Variants in DIP2A observed in about 807,000 individuals in gnomAD.
DIP2A encodes the protein disco-interacting protein 2 homolog A.
DIP2A carries 85 observed loss-of-function variants against 177.4 expected under a neutral mutation model. That is an observed-to-expected ratio of 0.48 (90% confidence interval 0.40 to 0.57). The LOEUF (loss-of-function observed/expected upper bound fraction) is 0.57, where lower values mean the gene tolerates loss of function less well. DIP2A is among the 20% of genes least tolerant of loss of function. The probability of loss-of-function intolerance (pLI) is 0.00; values close to 1 mark genes in which losing one functional copy is unlikely to be tolerated. For synonymous variants in DIP2A, 886 were observed against 881.8 expected, an observed-to-expected ratio of 1.00 and a Z score of -0.08; for missense variants, 1,791 against 2,100.2, an observed-to-expected ratio of 0.85 and a Z score of 2.88.
At position 46,537,390 on chromosome 21, in the gene DIP2A, G is replaced by C; in HGVS notation, c.1708-56G>C. On this transcript the variant is annotated intron_variant, in intron 14 of 37. Transcript: ENST00000417564. The surrounding 1 kb of genome is among the most constrained non-coding windows in gnomAD (Gnocchi z 4.1). ...TGGGAGAGTACATCGGTTTTGTTTT[G>C]CTTTTTCTGGTGTGGCTCGGGCCCA... 6.2e-7 allele frequency: 1 copy of C among 1,611,114 alleles called. No individual in the cohort carries two copies. The highest frequency in any genetic ancestry group is 8.5e-7 in the Non-Finnish European group (1 of 1,177,360).
intron 18 of DIP2A, among the ~76,000 whole-genome samples, chr21:46,543,541 G>C (rs80202619): frequency 4.0e-5 from 1 of 24,772 alleles, no homozygotes; most frequent in Admixed American, 3.5e-4. Context: ...CGTGCAAAGC[G>C]CTCCCCCAGG....
the DIP2A span, among the ~76,000 whole-genome samples, chr21:46,579,869 T>C: frequency 2.6e-5 from 4 of 152,278 alleles, no homozygotes; most frequent in South Asian, 8.3e-4. Flanking sequence ...TTACTTCCAA[T>C]TATGTGATCA....
chr21:46,533,529 A>G lies in DIP2A; in HGVS notation c.1311A>G (p.Ala437=). ...GGTCACTCTGCTTTCTGCAGGATGCAGGCAGCCAGCAGGTTGGGTTTCTGC... is the reference window on the plus strand; with the variant it reads ...GGTCACTCTGCTTTCTGCAGGATGCGGGCAGCCAGCAGGTTGGGTTTCTGC... ...PIEVPLTRKD[A]GSQQVGFLLG... The change falls in exon 11 of 38, where the codon GCA becomes GCG. Residue 437 remains alanine (A), a synonymous_variant. Coordinates refer to ENST00000417564, the MANE Select transcript of DIP2A (RefSeq NM_015151.4). 1 of 1,613,314 alleles carries G rather than the reference A, an allele frequency of 6.2e-7. No homozygotes were observed. Among genetic ancestry groups the G allele is most frequent in the Non-Finnish European group, 8.5e-7 (1 of 1,179,596 alleles).
chr21:46,519,869 T>G (rs1157026312), intron 8 of DIP2A, among the ~76,000 whole-genome samples: 1 of 98,414 alleles, frequency 1.0e-5, no homozygotes, highest in African/African-American at 4.0e-5. Context: ...TTTTTTTTTT[T>G]TTTTTTTTTT....
chr21:46,549,675 C>T (rs2060194448), intron 21 of DIP2A, 96 bp from the exon 22 acceptor site: 1 of 1,557,480 alleles, frequency 6.4e-7, no homozygotes, highest in African/African-American at 1.3e-5. Flanking sequence ...ATTTTAAATA[C>T]TAGGACAGTC....
intron 8 of DIP2A, among the ~76,000 whole-genome samples, chr21:46,511,815 G>A (rs1263019402): frequency 6.6e-6 from 1 of 152,152 alleles, no homozygotes. Context: ...ATTGCTCTGG[G>A]TTCAAGTGTT....
At chr21:46,470,043 A>G (rs550124139) in intron 1 of DIP2A, among the ~76,000 whole-genome samples, 2 of 152,382 alleles carry the variant, frequency 1.3e-5, no homozygotes, top group South Asian at 4.1e-4. Flanking sequence ...TATTTAGTAT[A>G]AAAATGAATT....
intron 18 of DIP2A, among the ~76,000 whole-genome samples, chr21:46,544,196 G>A (rs894307616): frequency 3.3e-5 from 5 of 152,108 alleles, no homozygotes; most frequent in African/African-American, 1.2e-4. Flanking sequence ...GCAGGTCACC[G>A]AGAGTTGGGT....
chr21:46,463,680 T>TTGTGTGTGTGTGTGTGTGTGTGTGTG (rs5844275), intron 1 of DIP2A, among the ~76,000 whole-genome samples: 119 of 131,024 alleles, frequency 9.1e-4, no homozygotes, highest in Non-Finnish European at 1.5e-3. Context: ...TGGGATATAT[T>TTGTGTGTGTGTGTGTGTGTGTGTGTG]TGTGTGTGTG....
At chr21:46,470,501 G>A (rs1326785290) in intron 1 of DIP2A, among the ~76,000 whole-genome samples, 2 of 150,348 alleles carry the variant, frequency 1.3e-5, no homozygotes, top group East Asian at 2.0e-4. Flanking sequence ...GGCCAGGCAC[G>A]GTAGCTCACG....
Position 46,549,801 on chromosome 21 carries a change from C to T in DIP2A, c.2553C>T (p.His851=), listed in dbSNP as rs199823306. The change falls in exon 22 of 38, where the codon CAC becomes CAT. Residue 851 remains histidine (H), a synonymous_variant. Transcript: ENST00000417564. ...RIAVFSVTVL[H]DDRIVLVAEQ... is the part of the protein sequence containing the mutation. ...CTGTGTTCTCTGTGACCGTGCTGCACGACGACCGGATTGTCCTGGTGGCTG... is the reference window on the plus strand; with the variant it reads ...CTGTGTTCTCTGTGACCGTGCTGCATGACGACCGGATTGTCCTGGTGGCTG... 61 of 1,613,744 alleles carry T rather than the reference C, an allele frequency of 3.8e-5. No individual in the cohort carries two copies. The highest frequency in any genetic ancestry group is 2.7e-4 in the African/African-American group (20 of 75,046).
In DIP2A at chr21:46,511,502, C is replaced by T. The variant is rs1311990582; in HGVS notation, c.990C>T (p.Pro330=). 1 of 1,612,856 alleles carries T rather than the reference C, an allele frequency of 6.2e-7. No homozygotes were observed. Among genetic ancestry groups the T allele is most frequent in the Non-Finnish European group, 8.5e-7 (1 of 1,179,478 alleles). The stretch of plus-strand genomic sequence containing the variant: ...GGGAGCCTCTCACTGCAGGTGTCCC[C>T]CGACCGCCGTCGCTGTTGGCCACCT... The part of the protein sequence containing the change: ...LRGEPLTAGV[P]RPPSLLATLQ... The change falls in exon 8 of 38, where the codon CCC becomes CCT. Residue 330 remains proline (P), a synonymous_variant. Coordinates refer to ENST00000417564, the MANE Select transcript of DIP2A (RefSeq NM_015151.4).
At chr21:46,577,601 C>T in the DIP2A span, among the ~76,000 whole-genome samples, 63 of 150,260 alleles carry the variant, frequency 4.2e-4, no homozygotes, top group African/African-American at 1.5e-3. Context: ...TTAGGATTGT[C>T]TTGGCTATAT....
intron 36 of DIP2A, 58 bp downstream of exon 36, chr21:46,565,945 C>G: frequency 2.5e-6 from 4 of 1,591,506 alleles, no homozygotes; most frequent in Non-Finnish European, 3.4e-6. Context: ...CTGGGCTCCC[C>G]AAGAGCTTAG....
At chr21:46,560,684 G>A (rs751072348) in intron 32 of DIP2A, 38 bp from the exon 33 acceptor site, 3 of 1,582,880 alleles carry the variant, frequency 1.9e-6, no homozygotes, top group Non-Finnish European at 2.6e-6. Flanking sequence ...GTTAAGTGAG[G>A]CCCCTGAACA....
intron 2 of DIP2A, among the ~76,000 whole-genome samples, chr21:46,486,459 G>A (rs1018361189): frequency 1.3e-5 from 2 of 152,156 alleles, no homozygotes; most frequent in Non-Finnish European, 2.9e-5. Flanking sequence ...CTTCCAAAGT[G>A]CTGGGATTAC....
chr21:46,566,420 G>A (rs924367735), intron 36 of DIP2A, 140 bp from the exon 37 acceptor site: 14 of 1,133,448 alleles, frequency 1.2e-5, no homozygotes, highest in Admixed American at 2.3e-5. Context: ...CACCCTTTCT[G>A]CACGTGGTGT....
At chr21:46,532,099 G>T in intron 9 of DIP2A, 28 bp from the exon 10 acceptor site, 1 of 1,580,480 alleles carries the variant, frequency 6.3e-7, no homozygotes. Context: ...TGGAAATTTG[G>T]AATATTCATT....
chr21:46,465,194 T>C (rs2054704032), intron 1 of DIP2A, among the ~76,000 whole-genome samples: 1 of 152,190 alleles, frequency 6.6e-6, no homozygotes, highest in Non-Finnish European at 1.5e-5. Context: ...TTCTTGCTGC[T>C]TTTTGTTTTT....
Sources: allele counts gnomAD v4.1 joint callset (sites outside exome capture counted in the v4.1 genomes callset), GRCh38; gene constraint gnomAD v4.1.1; non-coding constraint Gnocchi (gnomAD v3.1); transcripts MANE v1.5; gene names NCBI Gene and HGNC (gene_info 2026-07-23, HGNC 2026-07-21).